The following CAST variants were observed in gnomAD, a reference collection of about 807,000 sequenced individuals.
CAST encodes MIR583 host.
In CAST, 76 loss-of-function variants were observed where a neutral mutation model predicts 119.6. The observed-to-expected ratio is 0.64, with a 90% CI of 0.53 to 0.77. CAST has a LOEUF of 0.77. Among genes scored for constraint, CAST ranks in the 30% least tolerant of loss-of-function variants. CAST has a pLI of 0.00. For missense variants in CAST, 953 were observed against 946.5 expected (o/e 1.01, Z -0.09); for synonymous variants, 319 against 331.6 (o/e 0.96, Z 0.41).
At chr5:96,028,564 A>G in the CAST span, among the ~76,000 whole-genome samples, 1 of 152,054 alleles carries the variant, frequency 6.6e-6, no homozygotes, top group Non-Finnish European at 1.5e-5. Flanking sequence ...AAGATGGATA[A>G]AAACTGAAAC....
chr5:96,645,670 C>A (rs568530654), intron 1 of CAST, among the ~76,000 whole-genome samples: 3 of 151,842 alleles, frequency 2.0e-5, no homozygotes, highest in East Asian at 3.9e-4. Context: ...TAAATTTAAA[C>A]AATTACCTTT....
the CAST span, among the ~76,000 whole-genome samples, chr5:96,124,252 T>C: frequency 3.4e-4 from 52 of 152,244 alleles, no homozygotes; most frequent in East Asian, 9.1e-3. Context: ...TATCTGTAGG[T>C]GAGATCATGG....
chr5:96,390,970 T>C, the CAST span: 1 of 152,650 alleles, frequency 6.6e-6, no homozygotes, highest in African/African-American at 2.4e-5. Flanking sequence ...GATTTATACA[T>C]CTAGCACTAG....
At chr5:96,000,510 C>T in the CAST span, among the ~76,000 whole-genome samples, 1 of 152,240 alleles carries the variant, frequency 6.6e-6, no homozygotes, top group African/African-American at 2.4e-5. Flanking sequence ...TCGGGAGCTT[C>T]GCTGTGTAGT....
chr5:96,763,040 G>GGATT, intron 25 of CAST: 2 of 735,854 alleles, frequency 2.7e-6, no homozygotes, highest in South Asian at 2.8e-5. Flanking sequence ...AATTATAAAG[G>GGATT]GATTGCCCTA....
chr5:96,191,321 T>C, the CAST span, among the ~76,000 whole-genome samples: 41 of 152,230 alleles, frequency 2.7e-4, 1 homozygote, highest in Non-Finnish European at 4.4e-4. Context: ...AACAGACACT[T>C]GAGGTTACTT....
chr5:96,196,131 A>G, the CAST span, among the ~76,000 whole-genome samples: 1 of 149,416 alleles, frequency 6.7e-6, no homozygotes, highest in Non-Finnish European at 1.5e-5. Context: ...AAGGTTTTCA[A>G]CCATTAATGG....
chr5:95,984,293 T>G, the CAST span, among the ~76,000 whole-genome samples: 3 of 152,170 alleles, frequency 2.0e-5, no homozygotes, highest in African/African-American at 7.2e-5. Context: ...TAGCTAATTT[T>G]TGGAGAAAAT....
the CAST span, among the ~76,000 whole-genome samples, chr5:96,068,411 T>C: frequency 6.6e-6 from 1 of 152,112 alleles, no homozygotes. Context: ...AACTTTACCC[T>C]GACTCCTGGT....
At chr5:96,479,453 ATT>A in the CAST span, among the ~76,000 whole-genome samples, 2 of 122,122 alleles carry the variant, frequency 1.6e-5, no homozygotes, top group Non-Finnish European at 1.8e-5. Context: ...GGCACTCCTT[ATT>A]TTTTTTTTTT....
At chr5:95,992,030 G>C in the CAST span, among the ~76,000 whole-genome samples, 2 of 152,132 alleles carry the variant, frequency 1.3e-5, no homozygotes, top group Admixed American at 1.3e-4. Flanking sequence ...AGATGAATTA[G>C]ATCTCACTGA....
chr5:96,100,385 C>T, the CAST span, among the ~76,000 whole-genome samples: 9 of 152,200 alleles, frequency 5.9e-5, no homozygotes, highest in Non-Finnish European at 1.2e-4. Flanking sequence ...CAGTTTTTCA[C>T]TGGATCTGTG....
At chr5:96,690,374 G>A (rs181346641) in intron 2 of CAST, among the ~76,000 whole-genome samples, 197 of 152,176 alleles carry the variant, frequency 1.3e-3, no homozygotes, top group African/African-American at 4.0e-3. Flanking sequence ...TGGGGTTACA[G>A]ACATGCGCCA....
chr5:96,614,606 A>G (rs1310116614), intron 1 of CAST, among the ~76,000 whole-genome samples: 1 of 152,224 alleles, frequency 6.6e-6, no homozygotes, highest in African/African-American at 2.4e-5. Context: ...GAAGCTATTC[A>G]GGCAGATAAA....
chr5:96,495,113 A>G, the CAST span, among the ~76,000 whole-genome samples: 1 of 116,764 alleles, frequency 8.6e-6, no homozygotes, highest in Non-Finnish European at 1.8e-5. Flanking sequence ...CGTCAGAGCG[A>G]GACTGTCTCA....
the CAST span, among the ~76,000 whole-genome samples, chr5:96,293,123 A>T: frequency 6.6e-6 from 1 of 152,162 alleles, no homozygotes; most frequent in Admixed American, 6.5e-5. Context: ...CATGATCTAG[A>T]ATATGAATGG....
chr5:96,606,008 A>G (rs1747245814), intron 1 of CAST, among the ~76,000 whole-genome samples: 1 of 152,186 alleles, frequency 6.6e-6, no homozygotes. Flanking sequence ...TTTTCCCTCA[A>G]ATATCAAATA....
the CAST span, among the ~76,000 whole-genome samples, chr5:96,318,016 T>C: frequency 6.6e-6 from 1 of 152,218 alleles, no homozygotes. Flanking sequence ...GATAATGCTA[T>C]CATGGCGTGG....
the CAST span, among the ~76,000 whole-genome samples, chr5:95,981,657 C>T: frequency 7.9e-4 from 120 of 152,214 alleles, 2 homozygotes; most frequent in East Asian, 0.021. Context: ...GGGCGGATCA[C>T]GTGGTCAAGA....
Sources: gnomAD v4.1 joint callset for allele counts (sites outside exome capture counted in the v4.1 genomes callset) on GRCh38, gnomAD v4.1.1 for gene constraint, MANE v1.5 for transcripts, NCBI Gene and HGNC (gene_info 2026-07-23, HGNC 2026-07-21) for gene names.